ECPAS: variants seen among roughly 807,000 people sequenced by gnomAD.
ECPAS encodes Ecm29 proteasome adaptor and scaffold, also known as proteasome adapter and scaffold protein ECM29.
A neutral mutation model predicts 255.1 loss-of-function variants in ECPAS; 70 were observed. That is an observed-to-expected ratio of 0.27 (90% confidence interval 0.23 to 0.33). The LOEUF is 0.33. ECPAS is among the 10% of genes least tolerant of loss of function. The probability of loss-of-function intolerance (pLI) is 1.00; values close to 1 mark genes in which losing one functional copy is unlikely to be tolerated. For synonymous variants in ECPAS, 784 were observed against 775.0 expected (o/e 1.01, Z -0.19); for missense variants, 1,817 against 2,206.4 (o/e 0.82, Z 3.54).
chr9:111,422,703 T>C lies in ECPAS; in HGVS notation c.1265+496A>G, dbSNP rs76946370. ...CAGCACATGGTGCCACTGAGAATGC[T>C]TCATCTCTATCTCCCTGCTTTCAAA... is the stretch of plus-strand genomic sequence containing the variant. On this transcript the variant is annotated intron_variant, in intron 13 of 49. Transcript: ENST00000684092. Among the ~76,000 whole-genome samples the C allele has an allele frequency of 8.4e-3, 1,280 of 152,226 alleles. 5 individuals are homozygous for C. The highest frequency in any genetic ancestry group is 0.014 in the Non-Finnish European group (947 of 68,016).
In ECPAS at chr9:111,423,180, T is replaced by TA. The variant is rs1253600878; in HGVS notation, c.1265+18dup. ...TGTTTACCAACACCATATCTCTCAC[T>TA]AAAAAAGAGTTTACTCACCTGGAGA... On this transcript the variant is annotated intron_variant, in intron 13 of 49. Transcript: ENST00000684092. 1.3e-6 allele frequency: 2 copies of TA among 1,529,910 alleles called. No homozygotes were observed. Among genetic ancestry groups the TA allele is most frequent in the Non-Finnish European group, 1.8e-6 (2 of 1,126,108 alleles). 94.8% of individuals were successfully genotyped at this position (1,529,910 alleles called of 1,614,324 possible).
intron 34 of ECPAS, among the ~76,000 whole-genome samples, chr9:111,383,664 T>C (rs893453766): frequency 6.6e-6 from 1 of 152,176 alleles, no homozygotes; most frequent in African/African-American, 2.4e-5. Flanking sequence ...CCGGCGCCTA[T>C]AAAGCCAGCA....
chr9:111,366,411 T>TAC, intron 47 of ECPAS, 84 bp from the exon 48 acceptor site: 1 of 1,276,982 alleles, frequency 7.8e-7, no homozygotes, highest in South Asian at 1.3e-5. Flanking sequence ...TATCTGTATG[T>TAC]ATCACTGTCA....
rs2098116772 is a variant in ECPAS, at chr9:111,363,659, T to C, written c.5309A>G (p.Glu1770Gly). 2 of 1,462,336 alleles carry C rather than the reference T, an allele frequency of 1.4e-6. No individual in the cohort carries two copies. Among genetic ancestry groups the C allele is most frequent in the South Asian group, 1.2e-5 (1 of 82,190 alleles). 90.6% of individuals were successfully genotyped at this position (1,462,336 alleles called of 1,614,324 possible). The change falls in exon 49 of 50, where the codon GAA (glutamate) becomes GGA (glycine). Residue 1770 changes from glutamate (E) to glycine (G), a missense_variant and splice_region_variant. Coordinates refer to ENST00000684092, the MANE Select transcript of ECPAS (RefSeq NM_001364929.1). ...ETCKSITYSL[E>G]NKTYSSVRTE... The stretch of plus-strand genomic sequence containing the variant: ...TCTCACAGATGAGTAGGTCTTATTT[T>C]CTAAAAAGAAATATCATACAGTTCA...
chr9:111,383,377 C>A (rs1416323323), intron 34 of ECPAS, 45 bp from the exon 35 acceptor site: 5 of 1,566,444 alleles, frequency 3.2e-6, no homozygotes, highest in Non-Finnish European at 3.5e-6. Context: ...GACCGCGCAT[C>A]CAATAAAGAA....
intron 36 of ECPAS, among the ~76,000 whole-genome samples, chr9:111,377,257 CAT>C (rs1383768529): frequency 6.6e-6 from 1 of 152,000 alleles, no homozygotes; most frequent in Non-Finnish European, 1.5e-5. Flanking sequence ...ACAGAGGAAA[CAT>C]GTTGTATATA....
chr9:111,381,228 G>A (rs926076661), intron 35 of ECPAS, among the ~76,000 whole-genome samples: 2 of 152,100 alleles, frequency 1.3e-5, no homozygotes, highest in African/African-American at 4.8e-5. Flanking sequence ...GGGCATTGTG[G>A]GGTTATTAAT....
chr9:111,418,871 A>T (rs1031225856), intron 16 of ECPAS, among the ~76,000 whole-genome samples: 1 of 152,166 alleles, frequency 6.6e-6, no homozygotes, highest in African/African-American at 2.4e-5. Flanking sequence ...CTAACGTAAA[A>T]AAATTAAGAA....
chr9:111,468,251 T>A (rs2098281875), intron 2 of ECPAS, among the ~76,000 whole-genome samples: 1 of 152,110 alleles, frequency 6.6e-6, no homozygotes, highest in Non-Finnish European at 1.5e-5. Context: ...GAACTTCTAG[T>A]AAAGCAAGTA....
intron 12 of ECPAS, 21 bp from the exon 13 acceptor site, chr9:111,423,269 A>G: frequency 6.7e-7 from 1 of 1,486,858 alleles, no homozygotes; most frequent in Non-Finnish European, 9.1e-7. Context: ...AAAAAAGAAA[A>G]GAAAGAAAAG....
chr9:111,484,168 T>TC lies in ECPAS; in HGVS notation c.-136_-135insG. ...GGACGCTGCGCTCGGCGCCGCGAGG[T>TC]GAGGGCTGTAGAGCGAGGCGTTCGG... On this transcript the variant is annotated 5_prime_UTR_variant, in exon 1 of 50. Transcript: ENST00000684092. 6.8e-7 allele frequency: 1 copy of TC among 1,478,126 alleles called. No individual in the cohort carries two copies. Among genetic ancestry groups the TC allele is most frequent in the Non-Finnish European group, 9.0e-7 (1 of 1,117,234 alleles). The allele number at this position is 1,478,126 out of a possible 1,614,324, so 91.6% of individuals were successfully genotyped here.
intron 36 of ECPAS, among the ~76,000 whole-genome samples, chr9:111,377,899 C>CT (rs1451040873): frequency 1.3e-5 from 2 of 152,186 alleles, no homozygotes; most frequent in Non-Finnish European, 2.9e-5. Flanking sequence ...GTAATCCCAG[C>CT]ACTTTGGGAG....
In ECPAS at chr9:111,371,997, CT is replaced by C. The variant is rs1427098641; in HGVS notation, c.4529-169del. On this transcript the variant is annotated intron_variant, in intron 42 of 49. Coordinates refer to ENST00000684092, the MANE Select transcript of ECPAS (RefSeq NM_001364929.1). ...AAGTGTGTTGGTGTTGTGACTTATT[CT>C]CACAATAGTAGAACTTTACGAACTT... is the stretch of plus-strand genomic sequence containing the variant. 2.0e-5 allele frequency among the ~76,000 whole-genome samples: 3 copies of C among 152,204 alleles called. No individual in the cohort carries two copies. In the East Asian group the frequency reaches 5.8e-4, roughly 29 times the overall value.
chr9:111,384,344 A>C (rs2098144499), intron 34 of ECPAS, among the ~76,000 whole-genome samples, 178 bp downstream of exon 34: 1 of 152,222 alleles, frequency 6.6e-6, no homozygotes, highest in Admixed American at 6.5e-5. Flanking sequence ...TGTTCAACAC[A>C]CTAGTACTGC....
chr9:111,366,229 C>G lies in ECPAS; in HGVS notation c.5308+10G>C, dbSNP rs1209874949. 1 of 1,532,784 alleles carries G rather than the reference C, an allele frequency of 6.5e-7. No individual in the cohort carries two copies. The highest frequency in any genetic ancestry group is 1.2e-5 in the South Asian group (1 of 83,798). 94.9% of individuals were successfully genotyped at this position (1,532,784 alleles called of 1,614,324 possible). A position where few individuals can be genotyped will look rare whatever the true frequency, so the allele number is the denominator to read the frequency against. The stretch of plus-strand genomic sequence containing the variant: ...GGACTCCCTCATCAGTTTTAGTTTA[C>G]TACACTCACCTAAAGAATATGTGAT... On this transcript the variant is annotated intron_variant, in intron 48 of 49. Coordinates refer to ENST00000684092, the MANE Select transcript of ECPAS (RefSeq NM_001364929.1).
chr9:111,457,381 A>AATC (rs370239231), intron 2 of ECPAS, among the ~76,000 whole-genome samples: 54 of 152,294 alleles, frequency 3.5e-4, no homozygotes, highest in African/African-American at 1.1e-3. Flanking sequence ...AAAGAAACTG[A>AATC]AGAGGGAAAA....
rs117104978 is a variant in ECPAS at position 111,432,094 on chromosome 9, T to C, written c.848+1139A>G. Reference sequence around the variant, plus strand: ...AATTTACTTAACTATATCCCCATTATGGAAAACTGAATTTGTTTTCATATT... The same window carrying C: ...AATTTACTTAACTATATCCCCATTACGGAAAACTGAATTTGTTTTCATATT... On this transcript the variant is annotated intron_variant, in intron 8 of 49. Coordinates refer to ENST00000684092, the MANE Select transcript of ECPAS (RefSeq NM_001364929.1). 1.8e-3 allele frequency among the ~76,000 whole-genome samples: 278 copies of C among 152,306 alleles called. 6 individuals carry two copies. In the East Asian group the frequency reaches 0.045, roughly 25 times the overall value.
rs398011866 is a variant in ECPAS, at chr9:111,480,292, C to CTTTTTTT, written c.-83+3817_-83+3823dup. Among the ~76,000 whole-genome samples, 330 of 63,614 alleles carry CTTTTTTT rather than the reference C, an allele frequency of 5.2e-3. 1 individual carries two copies. The highest frequency in any genetic ancestry group is 0.019 in the Middle Eastern group (1 of 54). 41.7% of individuals were successfully genotyped at this position (63,614 alleles called of 152,430 possible). Reference sequence around the variant, plus strand: ...AGTGGAATTCTTAAAAGCACCTTTTCTTTTTTTTTTTTTTTTTTTTTTTGA... The same window carrying CTTTTTTT: ...AGTGGAATTCTTAAAAGCACCTTTTCTTTTTTTTTTTTTTTTTTTTTTTTTTTTTTGA... On this transcript the variant is annotated intron_variant, in intron 1 of 49. Coordinates refer to ENST00000684092, the MANE Select transcript of ECPAS (RefSeq NM_001364929.1).
At chr9:111,443,867 A>T (rs1285245054) in intron 4 of ECPAS, among the ~76,000 whole-genome samples, 1 of 152,234 alleles carries the variant, frequency 6.6e-6, no homozygotes, top group Non-Finnish European at 1.5e-5. Flanking sequence ...TTATGAAGAC[A>T]ACACTTTAAA....
Sources: gnomAD v4.1 joint callset for allele counts (sites outside exome capture counted in the v4.1 genomes callset) on GRCh38, gnomAD v4.1.1 for gene constraint, MANE v1.5 for transcripts, NCBI Gene and HGNC (gene_info 2026-07-23, HGNC 2026-07-21) for gene names.